Variants in AMOTL1 observed in about 807,000 individuals in gnomAD.
AMOTL1 encodes the protein angiomotin-like protein 1.
AMOTL1 carries 45 observed loss-of-function variants against 102.9 expected under a neutral mutation model. That is an observed-to-expected ratio of 0.44 (90% confidence interval 0.34 to 0.56). AMOTL1 has a LOEUF of 0.56. Among genes scored for constraint, AMOTL1 ranks in the 20% least tolerant of loss-of-function variants. The pLI, the probability that AMOTL1 is intolerant of heterozygous loss-of-function variation, is 0.01. For missense variants in AMOTL1, 1,114 were observed against 1,225.6 expected (o/e 0.91, Z 1.36); for synonymous variants, 481 against 484.7 (o/e 0.99, Z 0.10).
chr11:94,747,478 C>G (rs1350088775), intron 3 of AMOTL1, among the ~76,000 whole-genome samples: 1 of 152,198 alleles, frequency 6.6e-6, no homozygotes, highest in Admixed American at 6.5e-5. Context: ...CTCATTCAGG[C>G]AGGATGTATG....
rs190669271 is a variant in AMOTL1, at chr11:94,720,606, T to C, written c.-50-8315T>C. On this transcript the variant is annotated intron_variant, in intron 1 of 4. Coordinates refer to the AMOTL1 transcript ENST00000299004. ...ATCTGAGAAGTGGCTGGAAACCCAA[T>C]ATTTGTAGCTCTCTCTTTCCTTCTC... is the stretch of plus-strand genomic sequence containing the variant. Among the ~76,000 whole-genome samples the C allele has an allele frequency of 8.5e-5, 13 of 152,152 alleles. No individual in the cohort carries two copies. The East Asian group carries it at 2.3e-3, about 27-fold the overall frequency.
intron 3 of AMOTL1, among the ~76,000 whole-genome samples, chr11:94,750,256 T>A (rs941836847): frequency 2.0e-5 from 3 of 152,214 alleles, no homozygotes; most frequent in African/African-American, 4.8e-5. Flanking sequence ...TAGTGTCTTG[T>A]CAGGGGAGCT....
intron 1 of AMOTL1, among the ~76,000 whole-genome samples, chr11:94,718,986 A>C (rs917597147): frequency 6.6e-6 from 1 of 151,932 alleles, no homozygotes; most frequent in African/African-American, 2.4e-5. Context: ...ATGTCCTCTA[A>C]CATGCTTAGT....
At chr11:94,733,715 G>A (rs11020929) in intron 2 of AMOTL1, among the ~76,000 whole-genome samples, 9,169 of 152,258 alleles carry the variant, frequency 0.06, 631 homozygotes, top group East Asian at 0.17. Flanking sequence ...TTTAGTCATA[G>A]ATTTCAATTG....
chr11:94,774,016 C>G (rs1046066241), intron 1 of AMOTL1, among the ~76,000 whole-genome samples: 3 of 152,210 alleles, frequency 2.0e-5, no homozygotes, highest in African/African-American at 7.2e-5. Flanking sequence ...TAGTTCTTCC[C>G]TCATGGAGCT....
chr11:94,867,438 C>T (rs186371842), intron 11 of AMOTL1, among the ~76,000 whole-genome samples: 8 of 152,300 alleles, frequency 5.3e-5, no homozygotes, highest in African/African-American at 1.2e-4. Context: ...CTGTTTGTGA[C>T]GTGCAGCCAG....
intron 4 of AMOTL1, among the ~76,000 whole-genome samples, chr11:94,822,139 A>AAC (rs1951878583): frequency 6.6e-6 from 1 of 152,186 alleles, no homozygotes; most frequent in African/African-American, 2.4e-5. Flanking sequence ...TAGAAGAGGG[A>AAC]ACACGGAGAG....
intron 1 of AMOTL1, among the ~76,000 whole-genome samples, chr11:94,725,164 G>A (rs897076388): frequency 1.3e-5 from 2 of 152,160 alleles, no homozygotes; most frequent in African/African-American, 4.8e-5. Flanking sequence ...GCTTGGGGAA[G>A]GAGGCAGGAG....
At chr11:94,793,305 A>T (rs185306742) in intron 1 of AMOTL1, among the ~76,000 whole-genome samples, 1 of 152,304 alleles carries the variant, frequency 6.6e-6, no homozygotes, top group African/African-American at 2.4e-5. Context: ...AGGGATGGGA[A>T]TGAAGGCACA....
intron 3 of AMOTL1, among the ~76,000 whole-genome samples, chr11:94,761,498 A>AT (rs1470131320): frequency 3.3e-5 from 5 of 151,542 alleles, no homozygotes; most frequent in Non-Finnish European, 7.4e-5. Flanking sequence ...CCAGGACTTT[A>AT]TTTTTTCTAG....
At chr11:94,813,490 A>G (rs1273390875) in intron 3 of AMOTL1, among the ~76,000 whole-genome samples, 3 of 152,202 alleles carry the variant, frequency 2.0e-5, no homozygotes, top group Non-Finnish European at 4.4e-5. Flanking sequence ...TTTATTCCAT[A>G]AGTGACTTCA....
At chr11:94,831,770 T>TTCTC (rs1174343308) in intron 6 of AMOTL1, among the ~76,000 whole-genome samples, 1 of 151,522 alleles carries the variant, frequency 6.6e-6, no homozygotes, top group Non-Finnish European at 1.5e-5. Flanking sequence ...GACCTACAGT[T>TTCTC]TCTCTCTCTC....
chr11:94,723,627 A>G (rs1048166939), intron 1 of AMOTL1, among the ~76,000 whole-genome samples: 1 of 152,152 alleles, frequency 6.6e-6, no homozygotes, highest in African/African-American at 2.4e-5. Flanking sequence ...CTTCAATTCT[A>G]CAAAGCCAGT....
At chr11:94,836,486 C>CTGTT (rs1172245538) in intron 6 of AMOTL1, among the ~76,000 whole-genome samples, 2 of 152,118 alleles carry the variant, frequency 1.3e-5, no homozygotes, top group African/African-American at 4.8e-5. Flanking sequence ...CCACCAAAAC[C>CTGTT]CCTTGCATGT....
rs866933294 is a variant in AMOTL1 at position 94,719,330 on chromosome 11, G to A, written c.-50-9591G>A. ...AACCCCGACACTGTTTTCCTTTATC[G>A]AAAATGTCTAGGCTAGGGTAGGGTG... On this transcript the variant is annotated intron_variant, in intron 1 of 4. Coordinates refer to the AMOTL1 transcript ENST00000299004. Among the ~76,000 whole-genome samples the A allele has an allele frequency of 5.9e-5, 9 of 151,974 alleles. No homozygotes were observed. In the South Asian group the frequency reaches 1.5e-3, roughly 25 times the overall value.
chr11:94,711,728 T>A lies in AMOTL1; in HGVS notation c.-51+5131T>A, dbSNP rs565150654. On this transcript the variant is annotated intron_variant, in intron 1 of 4. Coordinates refer to the AMOTL1 transcript ENST00000299004. ...TGGCCTCTTCCATTCAGCATAATAA[T>A]CTTGAGATCTATCCAGGTTGTTATG... 3.6e-4 allele frequency among the ~76,000 whole-genome samples: 55 copies of A among 152,158 alleles called. 1 individual carries two copies. Among genetic ancestry groups the A allele is most frequent in the Non-Finnish European group, 4.0e-4 (27 of 67,994 alleles).
chr11:94,779,191 T>G (rs1457433667), intron 1 of AMOTL1, among the ~76,000 whole-genome samples: 1 of 152,220 alleles, frequency 6.6e-6, no homozygotes, highest in Non-Finnish European at 1.5e-5. Context: ...CAATAAGTCT[T>G]TAACTATTTG....
chr11:94,719,369 A>G (rs1950142376), intron 1 of AMOTL1, among the ~76,000 whole-genome samples: 1 of 152,186 alleles, frequency 6.6e-6, no homozygotes, highest in South Asian at 2.1e-4. Context: ...GGTGTATGAT[A>G]AAAAATTACT....
intron 3 of AMOTL1, among the ~76,000 whole-genome samples, chr11:94,755,159 A>G (rs1189547292): frequency 6.6e-6 from 1 of 152,144 alleles, no homozygotes; most frequent in Non-Finnish European, 1.5e-5. Flanking sequence ...AACCCTTCCT[A>G]CAGTAGAAAT....
Sources: allele counts gnomAD v4.1 joint callset (sites outside exome capture counted in the v4.1 genomes callset), GRCh38; gene constraint gnomAD v4.1.1; transcripts MANE v1.5; gene names NCBI Gene and HGNC (gene_info 2026-07-23, HGNC 2026-07-21).